Variants in TMEFF2 observed in about 807,000 individuals in gnomAD.
The protein encoded by TMEFF2 is transmembrane protein with EGF like and two follistatin like domains 2.
TMEFF2 carries 28 observed loss-of-function variants against 53.8 expected under a neutral mutation model. The ratio of observed to expected loss-of-function variants is 0.52; its 90% CI spans 0.39 to 0.71. The LOEUF is 0.71. Ranked by LOEUF, TMEFF2 falls within the 30% of genes least tolerant of loss-of-function variation. The pLI, the probability that TMEFF2 is intolerant of heterozygous loss-of-function variation, is 0.00. For synonymous variants in TMEFF2, 162 were observed against 166.3 expected, an observed-to-expected ratio of 0.97 and a Z score of 0.20; for missense variants, 353 against 455.2, an observed-to-expected ratio of 0.78 and a Z score of 2.04.
chr2:192,154,205 C>A (rs1162777780), intron 4 of TMEFF2, among the ~76,000 whole-genome samples: 3 of 151,880 alleles, frequency 2.0e-5, no homozygotes, highest in Admixed American at 6.6e-5. Context: ...GGACTTATGA[C>A]CTTCCTCATC....
intron 7 of TMEFF2, among the ~76,000 whole-genome samples, chr2:191,972,600 A>G (rs1248936941): frequency 6.6e-6 from 1 of 152,042 alleles, no homozygotes; most frequent in African/African-American, 2.4e-5. Context: ...GAGAAAGACA[A>G]TGTCCCAGTC....
At chr2:192,084,405 C>T (rs1688620785) in intron 4 of TMEFF2, among the ~76,000 whole-genome samples, 1 of 152,000 alleles carries the variant, frequency 6.6e-6, no homozygotes, top group South Asian at 2.1e-4. Flanking sequence ...CATATGGGTG[C>T]TTAATAAGTG....
At chr2:192,152,658 C>G (rs1174511706) in intron 4 of TMEFF2, among the ~76,000 whole-genome samples, 1 of 151,878 alleles carries the variant, frequency 6.6e-6, no homozygotes, top group Non-Finnish European at 1.5e-5. Flanking sequence ...AAAGTGAGCA[C>G]AGATTATAGA....
intron 5 of TMEFF2, among the ~76,000 whole-genome samples, chr2:192,048,148 G>C (rs2884022): frequency 0.16 from 24,865 of 151,732 alleles, 2,509 homozygotes; most frequent in East Asian, 0.31. Flanking sequence ...AGGACAGTAC[G>C]CTCAAACGAA....
chr2:192,092,391 A>T (rs1688810365), intron 4 of TMEFF2, among the ~76,000 whole-genome samples: 1 of 152,158 alleles, frequency 6.6e-6, no homozygotes, highest in Admixed American at 6.6e-5. Context: ...TACTTTATAG[A>T]TTATTTAAAA....
chr2:191,983,898 GAACTTTTCTTTTCCA>G (rs541314330), intron 7 of TMEFF2, among the ~76,000 whole-genome samples: 1 of 152,254 alleles, frequency 6.6e-6, no homozygotes, highest in East Asian at 1.9e-4. Flanking sequence ...CAGTGAGAAA[GAACTTTTCTTTTCCA>G]AGAATAATAT....
intron 5 of TMEFF2, among the ~76,000 whole-genome samples, chr2:192,008,678 T>G (rs931707620): frequency 1.3e-5 from 2 of 152,104 alleles, no homozygotes; most frequent in Non-Finnish European, 2.9e-5. Context: ...TACAATAAAG[T>G]TACTTAAAAA....
intron 5 of TMEFF2, among the ~76,000 whole-genome samples, chr2:192,009,686 G>A (rs966131764): frequency 6.6e-6 from 1 of 151,826 alleles, no homozygotes; most frequent in Non-Finnish European, 1.5e-5. Flanking sequence ...AAATATAATA[G>A]AAATATTTAT....
intron 4 of TMEFF2, among the ~76,000 whole-genome samples, chr2:192,165,454 A>C (rs539280039): frequency 2.6e-5 from 4 of 152,188 alleles, no homozygotes; most frequent in Non-Finnish European, 4.4e-5. Context: ...AAGTATATTA[A>C]AACAAGATAG....
At chr2:192,073,325 G>A (rs1355217055) in intron 4 of TMEFF2, among the ~76,000 whole-genome samples, 1 of 151,908 alleles carries the variant, frequency 6.6e-6, no homozygotes, top group Non-Finnish European at 1.5e-5. Context: ...ACAGGAATCT[G>A]TGGGTGGGAT....
At chr2:191,994,565 G>T (rs1206369898) in intron 7 of TMEFF2, among the ~76,000 whole-genome samples, 2 of 147,196 alleles carry the variant, frequency 1.4e-5, no homozygotes, top group African/African-American at 5.1e-5. Flanking sequence ...AAGACATGAG[G>T]GACACACACA....
chr2:192,078,253 G>A (rs567986317), intron 4 of TMEFF2, among the ~76,000 whole-genome samples: 4 of 152,066 alleles, frequency 2.6e-5, no homozygotes, highest in African/African-American at 9.6e-5. Flanking sequence ...GTAATATGAG[G>A]GTAACAGTAC....
intron 4 of TMEFF2, among the ~76,000 whole-genome samples, chr2:192,119,062 A>G (rs72918155): frequency 6.6e-6 from 1 of 151,942 alleles, no homozygotes; most frequent in African/African-American, 2.4e-5. Context: ...TTGTTTCTAG[A>G]AGTCAGAAAA....
chr2:192,139,975 G>A (rs1690098868), intron 4 of TMEFF2, among the ~76,000 whole-genome samples: 1 of 152,052 alleles, frequency 6.6e-6, no homozygotes, highest in Non-Finnish European at 1.5e-5. Flanking sequence ...CAACGTCTTA[G>A]CTGAAAACTA....
At chr2:191,967,175 G>C (rs571149412) in intron 7 of TMEFF2, among the ~76,000 whole-genome samples, 1 of 152,066 alleles carries the variant, frequency 6.6e-6, no homozygotes, top group Non-Finnish European at 1.5e-5. Context: ...ACCCAGTTTA[G>C]AAATTGTAGA....
intron 4 of TMEFF2, among the ~76,000 whole-genome samples, chr2:192,059,556 C>A (rs569528744): frequency 6.6e-6 from 1 of 152,152 alleles, no homozygotes; most frequent in East Asian, 1.9e-4. Context: ...CTTCCCATTA[C>A]TCAGGAAAGA....
chr2:191,978,949 A>G (rs767317349), intron 7 of TMEFF2, among the ~76,000 whole-genome samples: 5 of 152,186 alleles, frequency 3.3e-5, no homozygotes, highest in Non-Finnish European at 7.4e-5. Context: ...AGTGAGGCCA[A>G]TTAACTCCTC....
chr2:192,149,962 T>G (rs1015487660), intron 4 of TMEFF2, among the ~76,000 whole-genome samples: 6 of 152,080 alleles, frequency 3.9e-5, no homozygotes, highest in African/African-American at 1.4e-4. Flanking sequence ...CTATCTAACA[T>G]TAGTTTAGAA....
chr2:192,057,744 C>T lies in TMEFF2; in HGVS notation c.471G>A (p.Lys157=). The part of the protein sequence containing the change: ...VHEGSGETSQ[K]ETSTCDICQF... ...GGCAAATATCACAGGTGGATGTCTC[C>T]TTTTGACTAGTTTCTCCAGAGCCTT... is the stretch of plus-strand genomic sequence containing the variant. The change falls in exon 5 of 10, where the codon AAG becomes AAA. Residue 157 remains lysine, a synonymous_variant. Transcript: ENST00000272771. 1 of 1,614,018 alleles carries T rather than the reference C, an allele frequency of 6.2e-7. No homozygotes were observed.
Sources: allele counts gnomAD v4.1 joint callset (sites outside exome capture counted in the v4.1 genomes callset), GRCh38; gene constraint gnomAD v4.1.1; transcripts MANE v1.5; gene names NCBI Gene and HGNC (gene_info 2026-07-23, HGNC 2026-07-21).